CYRIB: variants seen among roughly 807,000 people sequenced by gnomAD.
CYRIB encodes CYFIP related Rac1 interactor B.
A neutral mutation model predicts 44.2 loss-of-function variants in CYRIB; 8 were observed. The observed-to-expected ratio is 0.18, with a 90% CI of 0.11 to 0.33. The LOEUF (loss-of-function observed/expected upper bound fraction) is 0.33. Ranked by LOEUF, CYRIB falls within the 10% of genes least tolerant of loss-of-function variation. The pLI is 1.00. For missense variants in CYRIB, 185 were observed against 382.8 expected (o/e 0.48, Z 4.31); for synonymous variants, 131 against 127.2 (o/e 1.03, Z -0.20).
intron 1 of CYRIB, among the ~76,000 whole-genome samples, chr8:129,905,139 T>C (rs548527239): frequency 6.6e-6 from 1 of 152,330 alleles, no homozygotes; most frequent in East Asian, 1.9e-4. Context: ...TCACGTTGTC[T>C]ACAATTTATT....
chr8:129,997,063 AGGG>A (rs1348754632), intron 1 of CYRIB, among the ~76,000 whole-genome samples: 9 of 87,200 alleles, frequency 1.0e-4, no homozygotes, highest in African/African-American at 3.4e-4. Flanking sequence ...GGAGGGAGGG[AGGG>A]AGGGAGGGAG....
intron 4 of CYRIB, chr8:129,864,482 GT>G (rs1484440785): frequency 1.2e-5 from 2 of 166,868 alleles, no homozygotes; most frequent in Non-Finnish European, 2.6e-5. Context: ...GCCAAGATGG[GT>G]ACACACAAGT....
intron 2 of CYRIB, chr8:129,947,959 T>C (rs1029707823): frequency 2.6e-5 from 4 of 152,366 alleles, no homozygotes; most frequent in Admixed American, 6.5e-5. Flanking sequence ...TCAATGTCAA[T>C]AAAGGTAAAA....
chr8:129,995,968 A>T (rs1217724943), intron 1 of CYRIB, among the ~76,000 whole-genome samples: 2 of 152,256 alleles, frequency 1.3e-5, no homozygotes, highest in African/African-American at 4.8e-5. Flanking sequence ...GCTCTTGGGC[A>T]GACCTTAGCT....
exon 12 of CYRIB, chr8:129,839,608 ATTTT>A (rs1270564101): frequency 6.6e-6 from 1 of 152,220 alleles, no homozygotes; most frequent in Non-Finnish European, 1.5e-5. Flanking sequence ...TTCCAATAAA[ATTTT>A]ATTTATGAAC....
chr8:129,962,132 A>C (rs191457079), intron 2 of CYRIB, among the ~76,000 whole-genome samples: 98 of 152,124 alleles, frequency 6.4e-4, no homozygotes, highest in Non-Finnish European at 8.5e-4. Context: ...CTGTGGTCCC[A>C]GCTACTCGGG....
chr8:129,968,569 G>C (rs541548003), intron 2 of CYRIB, among the ~76,000 whole-genome samples: 1 of 152,264 alleles, frequency 6.6e-6, no homozygotes, highest in South Asian at 2.1e-4. Flanking sequence ...CTCACTGTGG[G>C]AGTGCTGTTA....
chr8:129,922,151 G>A (rs1385147199), intron 1 of CYRIB, among the ~76,000 whole-genome samples: 1 of 152,082 alleles, frequency 6.6e-6, no homozygotes, highest in Admixed American at 6.6e-5. Context: ...TCTGGTTATT[G>A]CTCATTTTGT....
chr8:129,993,696 CAA>C (rs901947850), intron 1 of CYRIB, among the ~76,000 whole-genome samples: 15 of 129,504 alleles, frequency 1.2e-4, no homozygotes, highest in East Asian at 4.5e-4. Flanking sequence ...AACTCTCTCT[CAA>C]AAAAAAAAAA....
chr8:129,939,403 G>GGGGCAGGCCGGGGCCGC (rs1180041006), intron 1 of CYRIB, among the ~76,000 whole-genome samples: 1 of 151,740 alleles, frequency 6.6e-6, no homozygotes, highest in Non-Finnish European at 1.5e-5. Context: ...ATGAGCGCCG[G>GGGGCAGGCCGGGGCCGC]GGGCAGGCCG....
chr8:129,904,821 G>T (rs2074365548), intron 1 of CYRIB, among the ~76,000 whole-genome samples: 1 of 152,122 alleles, frequency 6.6e-6, no homozygotes, highest in Non-Finnish European at 1.5e-5. Flanking sequence ...AGCATTATCA[G>T]ATCTACTACT....
chr8:130,013,191 TG>T (rs1190815148), intron 1 of CYRIB, among the ~76,000 whole-genome samples: 4 of 152,260 alleles, frequency 2.6e-5, no homozygotes, highest in Middle Eastern at 3.4e-3. Context: ...GGGTGTGCAA[TG>T]GGAACAGGGG....
upstream of CYRIB, chr8:130,016,522 GC>G: frequency 6.3e-6 from 1 of 159,654 alleles, no homozygotes; most frequent in South Asian, 1.6e-4. Flanking sequence ...AGCAGCAGCA[GC>G]AGCAGCAGCC....
chr8:129,970,459 A>T (rs1284798736), intron 2 of CYRIB: 2 of 145,624 alleles, frequency 1.4e-5, no homozygotes, highest in African/African-American at 5.2e-5. Context: ...TTGCTCTGTC[A>T]CTCAGGCTGG....
At chr8:129,916,871 A>G (rs2136740849) in intron 1 of CYRIB, among the ~76,000 whole-genome samples, 1 of 152,338 alleles carries the variant, frequency 6.6e-6, no homozygotes, top group Non-Finnish European at 1.5e-5. Context: ...ATAGGTAGAA[A>G]AGTTTTAGTC....
At chr8:129,904,959 A>C (rs984751095) in intron 1 of CYRIB, among the ~76,000 whole-genome samples, 1 of 152,224 alleles carries the variant, frequency 6.6e-6, no homozygotes, top group Non-Finnish European at 1.5e-5. Flanking sequence ...TGCCACTGCT[A>C]TCAACATGCC....
intron 2 of CYRIB, among the ~76,000 whole-genome samples, chr8:129,891,498 T>C (rs142586905): frequency 0.012 from 1,813 of 152,316 alleles, 23 homozygotes; most frequent in South Asian, 0.021. Context: ...ACAGAGAGAT[T>C]AGTACAACAG....
chr8:129,997,223 C>T (rs564176865), intron 1 of CYRIB, among the ~76,000 whole-genome samples: 24 of 152,038 alleles, frequency 1.6e-4, no homozygotes, highest in Admixed American at 1.4e-3. Flanking sequence ...CTATTGGGGG[C>T]GAGGAGACAC....
chr8:129,941,072 C>G (rs2093656898), upstream of CYRIB, among the ~76,000 whole-genome samples: 1 of 151,990 alleles, frequency 6.6e-6, no homozygotes, highest in Non-Finnish European at 1.5e-5. Context: ...ATGTAGAAAC[C>G]AAATGGTATG....
Sources: allele counts gnomAD v4.1 joint callset (sites outside exome capture counted in the v4.1 genomes callset), GRCh38; gene constraint gnomAD v4.1.1; transcripts MANE v1.5; gene names NCBI Gene and HGNC (gene_info 2026-07-23, HGNC 2026-07-21).